DSCAML1: variants seen among roughly 807,000 people sequenced by gnomAD.
DSCAML1 encodes the protein DS cell adhesion molecule like 1.
In DSCAML1, 38 loss-of-function variants were observed where a neutral mutation model predicts 200.5. That is an observed-to-expected ratio of 0.19 (90% CI 0.15 to 0.25). The LOEUF (loss-of-function observed/expected upper bound fraction) is 0.25, where lower values mean the gene tolerates loss of function less well. DSCAML1 is among the 10% of genes least tolerant of loss of function. DSCAML1 has a pLI of 1.00. For synonymous variants in DSCAML1, 1,215 were observed against 1,165.0 expected (o/e 1.04, Z -0.87); for missense variants, 2,223 against 2,858.8 (o/e 0.78, Z 5.07).
At position 117,604,387 on chromosome 11, in the gene DSCAML1, C is replaced by T. The variant is rs182587833; in HGVS notation, c.512-71865G>A. ...GAATTTGACCTCTTACTGCTTTTGGCTGCTGCACAGAGATCTCCCTCCCTC... is the reference window on the plus strand; with the variant it reads ...GAATTTGACCTCTTACTGCTTTTGGTTGCTGCACAGAGATCTCCCTCCCTC... On this transcript the variant is annotated intron_variant, in intron 3 of 32. Coordinates refer to ENST00000651296, the MANE Select transcript of DSCAML1 (RefSeq NM_020693.4). Among the ~76,000 whole-genome samples the T allele has an allele frequency of 3.2e-3, 482 of 152,060 alleles. 7 individuals are homozygous for T. The highest frequency in any genetic ancestry group is 0.021 in the Admixed American group (327 of 15,280).
In DSCAML1 at chr11:117,780,290, A is replaced by AAGAAAGAAAGAAAGAAAGAC. The variant is rs1182660051; in HGVS notation, c.364+202_364+203insGTCTTTCTTTCTTTCTTTCT. Among the ~76,000 whole-genome samples the AAGAAAGAAAGAAAGAAAGAC allele has an allele frequency of 0.017, 1,741 of 100,174 alleles. 47 individuals are homozygous for AAGAAAGAAAGAAAGAAAGAC. Among genetic ancestry groups the AAGAAAGAAAGAAAGAAAGAC allele is most frequent in the Non-Finnish European group, 0.024 (996 of 41,528 alleles). The allele number at this position is 100,174 out of a possible 152,430, so 65.7% of individuals were successfully genotyped here. On this transcript the variant is annotated intron_variant, in intron 2 of 32. Coordinates refer to ENST00000651296, the MANE Select transcript of DSCAML1 (RefSeq NM_020693.4). The surrounding 1 kb of genome is among the most constrained non-coding windows in gnomAD (Gnocchi z 4.8). Reference sequence around the variant, plus strand: ...AAAGAAAGAAAGAAAGAAAGAAAGAAAGAAAGAAAGAAAGAGAGAAAGGAG... The same window carrying AAGAAAGAAAGAAAGAAAGAC: ...AAAGAAAGAAAGAAAGAAAGAAAGAAAGAAAGAAAGAAAGAAAGACAGAAAGAAAGAAAGAGAGAAAGGAG...
intron 3 of DSCAML1, among the ~76,000 whole-genome samples, chr11:117,771,648 C>T (rs886417699): frequency 3.9e-5 from 6 of 152,266 alleles, no homozygotes; most frequent in East Asian, 3.9e-4. Context: ...GTAGAGGAAC[C>T]GGAAGACCGG....
chr11:117,542,213 A>G (rs1354184995), intron 3 of DSCAML1, among the ~76,000 whole-genome samples: 1 of 152,126 alleles, frequency 6.6e-6, no homozygotes, highest in Non-Finnish European at 1.5e-5. Context: ...GAAGGCTGAG[A>G]CAGGAGAATC....
chr11:117,666,990 G>A (rs986215740), intron 3 of DSCAML1, among the ~76,000 whole-genome samples: 1 of 152,186 alleles, frequency 6.6e-6, no homozygotes, highest in African/African-American at 2.4e-5. Flanking sequence ...AGGTGTTAGT[G>A]GCCTGGTCTG....
At chr11:117,552,314 C>T (rs2050483153) in intron 3 of DSCAML1, among the ~76,000 whole-genome samples, 1 of 150,988 alleles carries the variant, frequency 6.6e-6, no homozygotes, top group Non-Finnish European at 1.5e-5. Flanking sequence ...TGTTGCATCT[C>T]CTATGGAGCA....
intron 1 of DSCAML1, among the ~76,000 whole-genome samples, chr11:117,786,874 G>C (rs2134063813): frequency 6.6e-6 from 1 of 152,236 alleles, no homozygotes; most frequent in South Asian, 2.1e-4. Flanking sequence ...ATCCTTCAAG[G>C]GCAGCCTCAC....
chr11:117,504,385 C>G lies in DSCAML1; in HGVS notation c.2183-364G>C, dbSNP rs1467517191. 1.3e-5 allele frequency among the ~76,000 whole-genome samples: 2 copies of G among 152,180 alleles called. No homozygotes were observed. The highest frequency in any genetic ancestry group is 2.9e-5 in the Non-Finnish European group (2 of 68,022). On this transcript the variant is annotated intron_variant, in intron 10 of 32. Transcript: ENST00000651296. This position sits in a 1 kb window ranked among gnomAD's most constrained non-coding sequence, Gnocchi z 5.0. ...GATTGAGCCTTCAAATGGCAGTTGT[C>G]TGGTCTCAGGCAACCAGGCCTGGGA...
chr11:117,509,246 C>T (rs2049569490), intron 8 of DSCAML1, among the ~76,000 whole-genome samples: 2 of 152,094 alleles, frequency 1.3e-5, no homozygotes, highest in African/African-American at 4.8e-5. Flanking sequence ...AGTTAAAGGA[C>T]ACACATGCTT....
chr11:117,489,063 G>GA lies in DSCAML1; in HGVS notation c.2360-6902dup, dbSNP rs1396309953. 3.3e-5 allele frequency among the ~76,000 whole-genome samples: 5 copies of GA among 152,236 alleles called. No homozygotes were observed. The highest frequency in any genetic ancestry group is 3.9e-4 in the East Asian group (2 of 5,192). ...GTCTTATCATCTCCACTTTTCAAATGAGGAAACTGAGGCTTCCAGAAAGTG... is the reference window on the plus strand; with the variant it reads ...GTCTTATCATCTCCACTTTTCAAATGAAGGAAACTGAGGCTTCCAGAAAGTG... On this transcript the variant is annotated intron_variant, in intron 11 of 32. Coordinates refer to ENST00000651296, the MANE Select transcript of DSCAML1 (RefSeq NM_020693.4). This position sits in a 1 kb window ranked among gnomAD's most constrained non-coding sequence, Gnocchi z 4.8.
Position 117,650,703 on chromosome 11 carries a change from G to GCGCA in DSCAML1, c.512-118182_512-118181insTGCG, listed in dbSNP as rs1491197414. On this transcript the variant is annotated intron_variant, in intron 3 of 32. Transcript: ENST00000651296. ...TGTGTGTGTGTGTGTGTGTGTGTGC[G>GCGCA]TGTGTGTGTGTGGTGGGGATTGGGG... Among the ~76,000 whole-genome samples the GCGCA allele has an allele frequency of 6.7e-5, 10 of 149,876 alleles. No homozygotes were observed. In the East Asian group the frequency reaches 8.0e-4, roughly 12 times the overall value.
chr11:117,430,320 C>G (rs2047759744), intron 32 of DSCAML1, among the ~76,000 whole-genome samples: 1 of 152,216 alleles, frequency 6.6e-6, no homozygotes, highest in Admixed American at 6.5e-5. Context: ...GCAGCTGACC[C>G]TGAAGGGATC....
intron 3 of DSCAML1, among the ~76,000 whole-genome samples, chr11:117,616,993 G>A (rs2051822806): frequency 6.6e-6 from 1 of 152,178 alleles, no homozygotes; most frequent in Non-Finnish European, 1.5e-5. Context: ...CAAAAGTCTT[G>A]CAATAATAAA....
chr11:117,438,158 A>AC (rs1171195707), intron 24 of DSCAML1, 75 bp from the exon 25 acceptor site: 1 of 1,437,698 alleles, frequency 7.0e-7, no homozygotes, highest in Non-Finnish European at 9.4e-7. Flanking sequence ...AGGTACCCCA[A>AC]CAGGGGGCTG....
intron 3 of DSCAML1, among the ~76,000 whole-genome samples, chr11:117,774,004 C>A (rs1353163218): frequency 6.6e-6 from 1 of 152,220 alleles, no homozygotes; most frequent in Non-Finnish European, 1.5e-5. Flanking sequence ...ACATCAAAGA[C>A]AGCCCTGAAG....
rs1325581017 is a variant in DSCAML1, at chr11:117,505,426, C to A, written c.2062+28G>T. 3 of 1,598,458 alleles carry A rather than the reference C, an allele frequency of 1.9e-6. No homozygotes were observed. Among genetic ancestry groups the A allele is most frequent in the Non-Finnish European group, 1.7e-6 (2 of 1,175,112 alleles). On this transcript the variant is annotated intron_variant, in intron 9 of 32. Coordinates refer to ENST00000651296, the MANE Select transcript of DSCAML1 (RefSeq NM_020693.4). This position sits in a 1 kb window ranked among gnomAD's most constrained non-coding sequence, Gnocchi z 6.7. ...CAGCAGGCAGAATGGGCTCCTCCCT[C>A]CCCTGAGGCTGGCCTGTCCCTGCTC... is the stretch of plus-strand genomic sequence containing the variant.
At chr11:117,794,944 A>G (rs1481187502) in intron 1 of DSCAML1, among the ~76,000 whole-genome samples, 1 of 152,192 alleles carries the variant, frequency 6.6e-6, no homozygotes, top group East Asian at 1.9e-4. Flanking sequence ...AGGAGCCGCC[A>G]CAACTGGCAT....
rs2049767175 is a variant in DSCAML1, at chr11:117,516,343, C to T, written c.1783+124G>A. 1.6e-6 allele frequency: 2 copies of T among 1,270,224 alleles called. No homozygotes were observed. Among genetic ancestry groups the T allele is most frequent in the Non-Finnish European group, 1.1e-6 (1 of 932,302 alleles). 78.7% of individuals were successfully genotyped at this position (1,270,224 alleles called of 1,614,324 possible). On this transcript the variant is annotated intron_variant, in intron 8 of 32. Coordinates refer to ENST00000651296, the MANE Select transcript of DSCAML1 (RefSeq NM_020693.4). This position sits in a 1 kb window ranked among gnomAD's most constrained non-coding sequence, Gnocchi z 5.7. ...TTTTTTCTGAATGCCAAGCTGGGGC[C>T]TCTCTTGCTCAGCCTTCCGTTCACC...
chr11:117,529,847 C>A (rs2050041927), intron 4 of DSCAML1, among the ~76,000 whole-genome samples: 1 of 152,050 alleles, frequency 6.6e-6, no homozygotes, highest in Admixed American at 6.5e-5. Flanking sequence ...CTGAGACGGG[C>A]TCTGGGCTCC....
intron 3 of DSCAML1, among the ~76,000 whole-genome samples, chr11:117,746,221 C>CAAAA (rs34362262): frequency 0.017 from 1,104 of 66,132 alleles, 141 homozygotes; most frequent in African/African-American, 0.037. Flanking sequence ...GACTCTGTCT[C>CAAAA]AAAAAAAAAA....
Sources: gnomAD v4.1 joint callset for allele counts (sites outside exome capture counted in the v4.1 genomes callset) on GRCh38, gnomAD v4.1.1 for gene constraint, Gnocchi (gnomAD v3.1) non-coding constraint, MANE v1.5 for transcripts, NCBI Gene and HGNC (gene_info 2026-07-23, HGNC 2026-07-21) for gene names.